STAM2: variants seen among roughly 807,000 people sequenced by gnomAD.
STAM2 encodes signal transducing adaptor molecule 2.
In STAM2, 51 loss-of-function variants were observed where a neutral mutation model predicts 65.6. The observed-to-expected ratio is 0.78, with a 90% CI of 0.62 to 0.98. The LOEUF is 0.98. Ranked by LOEUF, STAM2 falls within the 50% of genes least tolerant of loss-of-function variation. The pLI is 0.00. For synonymous variants in STAM2, 198 were observed against 208.4 expected (o/e 0.95, Z 0.43); for missense variants, 584 against 617.8 (o/e 0.95, Z 0.58).
rs1560206925 is a variant in STAM2, at chr2:152,118,446, T to TATATATATATATATATA, written c.*2127_*2128insTATATATATATATATAT. ...CGATGTGCCAATATATACTATATAT[T>TATATATATATATATATA]TATATATATATATATGTGTCATGTT... On this transcript the variant is annotated 3_prime_UTR_variant, in exon 14 of 14. Transcript: ENST00000263904. 4 of 144,892 alleles carry TATATATATATATATATA rather than the reference T, an allele frequency of 2.8e-5. No individual in the cohort carries two copies. Among genetic ancestry groups the TATATATATATATATATA allele is most frequent in the African/African-American group, 1.0e-4 (4 of 38,866 alleles). 9.0% of individuals were successfully genotyped at this position (144,892 alleles called of 1,614,324 possible). A position where few individuals can be genotyped will look rare whatever the true frequency, so the allele number is the denominator to read the frequency against.
Position 152,144,928 on chromosome 2 carries a change from C to T in STAM2, c.477G>A (p.Thr159=), listed in dbSNP as rs780451243. 35 of 1,613,796 alleles carry T rather than the reference C, an allele frequency of 2.2e-5. No homozygotes were observed. Among genetic ancestry groups the T allele is most frequent in the Admixed American group, 1.7e-4 (10 of 59,990 alleles). Residue 159 remains threonine, a synonymous_variant, in exon 6 of 14, where the codon ACG becomes ACA. Coordinates refer to ENST00000263904, the MANE Select transcript of STAM2 (RefSeq NM_005843.6). The part of the protein sequence containing the change: ...QTVSAAAKNG[T]SSNKNKEDED... ...CATCCTCTTTGTTTTTGTTCGATGA[C>T]GTACCATTCTTGGCAGCAGCTGAGA...
Position 152,162,771 on chromosome 2 carries a change from A to G in STAM2, c.41-12542T>C, listed in dbSNP as rs1208716728. On this transcript the variant is annotated intron_variant, in intron 1 of 13. Coordinates refer to ENST00000263904, the MANE Select transcript of STAM2 (RefSeq NM_005843.6). ...ATTCTCCCGCCTCAGCATCCCAAGT[A>G]GCTGGGATATAGGCGCACGCCACCA... 8.0e-5 allele frequency among the ~76,000 whole-genome samples: 12 copies of G among 150,778 alleles called. No homozygotes were observed. The East Asian group carries it at 2.3e-3, about 29-fold the overall frequency.
chr2:152,160,936 A>G (rs77095613), intron 1 of STAM2, among the ~76,000 whole-genome samples: 34,254 of 144,934 alleles, frequency 0.24, 3,841 homozygotes, highest in Admixed American at 0.31. Flanking sequence ...GCCTCTGCCC[A>G]GCCGCCCCTA....
At chr2:152,153,885 T>TACACACAC (rs70974824) in intron 1 of STAM2, among the ~76,000 whole-genome samples, 3,238 of 144,860 alleles carry the variant, frequency 0.022, 52 homozygotes, top group African/African-American at 0.049. Context: ...AGACATTACA[T>TACACACAC]ACACACACAC....
At chr2:152,151,239 T>G (rs1391599634) in intron 1 of STAM2, among the ~76,000 whole-genome samples, 1 of 149,234 alleles carries the variant, frequency 6.7e-6, no homozygotes, top group Non-Finnish European at 1.5e-5. Context: ...TGGAGTGCAA[T>G]GGCACGATCT....
intron 1 of STAM2, among the ~76,000 whole-genome samples, chr2:152,155,420 C>T (rs1689524993): frequency 6.6e-6 from 1 of 152,194 alleles, no homozygotes; most frequent in East Asian, 1.9e-4. Flanking sequence ...CAACGGGCTA[C>T]ATAGGATCAA....
rs1487595263 is a variant in STAM2, at chr2:152,123,808, T to C, written c.1307A>G (p.Asn436Ser). ...GPLRSLPPNV[N>S]SSVTAQPAQT... ...AGCAGGCTGTGCTGTCACTGAGGAATTCACATTTGGAGGCAGAGATCTCAG... is the reference window on the plus strand; with the variant it reads ...AGCAGGCTGTGCTGTCACTGAGGAACTCACATTTGGAGGCAGAGATCTCAG... Residue 436 changes from asparagine (N) to serine (S), a missense_variant, in exon 13 of 14, where the codon AAT becomes AGT. Physicochemically the swap from Asn to Ser is conservative, Grantham distance 46. Transcript: ENST00000263904. The C allele has an allele frequency of 2.5e-6, 4 of 1,614,176 alleles. No individual in the cohort carries two copies. The highest frequency in any genetic ancestry group is 3.4e-6 in the Non-Finnish European group (4 of 1,180,016).
At chr2:152,143,604 C>T (rs1205619879) in intron 7 of STAM2, among the ~76,000 whole-genome samples, 2 of 152,182 alleles carry the variant, frequency 1.3e-5, no homozygotes, top group South Asian at 2.1e-4. Context: ...TTATTTAATA[C>T]ATCTTTCATC....
rs1688787203 is a variant in STAM2 at position 152,118,378 on chromosome 2, T to G, written c.*2196A>C. ...ATTACATATGGCAAAAAATAATTTT[T>G]AACTTGAGAAAGAAAAAAACTTCTG... On this transcript the variant is annotated 3_prime_UTR_variant, in exon 14 of 14. Transcript: ENST00000263904. 1 of 151,060 alleles carries G rather than the reference T, an allele frequency of 6.6e-6. No homozygotes were observed. The highest frequency in any genetic ancestry group is 2.1e-4 in the South Asian group (1 of 4,822). The allele number at this position is 151,060 out of a possible 1,614,324, so 9.4% of individuals were successfully genotyped here.
intron 4 of STAM2, among the ~76,000 whole-genome samples, chr2:152,147,651 T>C (rs561337587): frequency 6.6e-6 from 1 of 152,300 alleles, no homozygotes; most frequent in East Asian, 1.9e-4. Flanking sequence ...CTGCATGACC[T>C]TGGACAAGTT....
intron 7 of STAM2, among the ~76,000 whole-genome samples, chr2:152,139,652 G>C (rs1689211162): frequency 6.6e-6 from 1 of 152,172 alleles, no homozygotes; most frequent in Non-Finnish European, 1.5e-5. Context: ...TTTACCTTCA[G>C]AATTTTTCTC....
At chr2:152,172,577 G>T (rs79287472) in intron 1 of STAM2, among the ~76,000 whole-genome samples, 2,687 of 152,126 alleles carry the variant, frequency 0.018, 71 homozygotes, top group African/African-American at 0.061. Context: ...ATCAGAGAAG[G>T]GGGGGAGGAG....
At chr2:152,126,675 T>C (rs1688968603) in intron 11 of STAM2, among the ~76,000 whole-genome samples, 1 of 151,648 alleles carries the variant, frequency 6.6e-6, no homozygotes, top group East Asian at 1.9e-4. Flanking sequence ...TTTCCACACC[T>C]AAGTAACAAA....
intron 1 of STAM2, among the ~76,000 whole-genome samples, chr2:152,165,380 G>A (rs527647474): frequency 3.3e-5 from 5 of 152,036 alleles, no homozygotes; most frequent in South Asian, 2.1e-4. Context: ...GCAGTGAGCC[G>A]AGATAGCGCC....
At position 152,148,089 on chromosome 2, in the gene STAM2, T is replaced by C; in HGVS notation, c.235A>G (p.Ile79Val). Residue 79 changes from isoleucine (I) to valine (V), a missense_variant, in exon 4 of 14, where the codon ATA becomes GTA. Ile to Val is a conservative substitution (Grantham distance 29). Transcript: ENST00000263904. ...LGACVANCGK[I>V]FHLEVCSRDF... ...CGGGAACATACTTCTAAATGAAATATCTTTCCACAGTTTGCCACACAAGCC... is the reference window on the plus strand; with the variant it reads ...CGGGAACATACTTCTAAATGAAATACCTTTCCACAGTTTGCCACACAAGCC... 2 of 1,611,178 alleles carry C rather than the reference T, an allele frequency of 1.2e-6. No homozygotes were observed. Among genetic ancestry groups the C allele is most frequent in the Non-Finnish European group, 8.5e-7 (1 of 1,178,570 alleles).
At chr2:152,135,306 A>C (rs1689134561) in intron 8 of STAM2, among the ~76,000 whole-genome samples, 1 of 152,240 alleles carries the variant, frequency 6.6e-6, no homozygotes, top group South Asian at 2.1e-4. Flanking sequence ...GAGGATGTAA[A>C]ATAAGAGGAA....
chr2:152,160,458 G>A (rs1439869465), intron 1 of STAM2, among the ~76,000 whole-genome samples: 5 of 149,348 alleles, frequency 3.3e-5, no homozygotes, highest in Non-Finnish European at 5.9e-5. Context: ...CCTGGCAACC[G>A]CCCCGTCTGA....
At chr2:152,170,252 C>A (rs1042287620) in intron 1 of STAM2, among the ~76,000 whole-genome samples, 32 of 151,110 alleles carry the variant, frequency 2.1e-4, no homozygotes, top group African/African-American at 7.8e-4. Context: ...GAGGCCAAGA[C>A]GGGCGGATCA....
At chr2:152,131,471 C>T (rs540437253) in intron 11 of STAM2, 1 of 152,522 alleles carries the variant, frequency 6.6e-6, no homozygotes, top group East Asian at 1.9e-4. Context: ...CCCCAGAAAA[C>T]TGTTACCTAA....
Sources: allele counts gnomAD v4.1 joint callset (sites outside exome capture counted in the v4.1 genomes callset), GRCh38; gene constraint gnomAD v4.1.1; transcripts MANE v1.5; gene names NCBI Gene and HGNC (gene_info 2026-07-23, HGNC 2026-07-21).